Variants in FNDC3A observed in about 807,000 individuals in gnomAD.
The protein encoded by FNDC3A is fibronectin type III domain containing 3A, also known as fibronectin type-III domain-containing protein 3A.
Under a neutral mutation model 148.9 loss-of-function variants are expected in FNDC3A, and 32 were observed. The observed-to-expected ratio is 0.21, with a 90% CI of 0.16 to 0.29. The LOEUF (loss-of-function observed/expected upper bound fraction) is 0.29, where lower values mean the gene tolerates loss of function less well. Ranked by LOEUF, FNDC3A falls within the 10% of genes least tolerant of loss-of-function variation. FNDC3A has a pLI of 1.00. For synonymous variants in FNDC3A, 472 were observed against 473.6 expected, an observed-to-expected ratio of 1.00 and a Z score of 0.04; for missense variants, 1,191 against 1,452.8, an observed-to-expected ratio of 0.82 and a Z score of 2.93.
chr13:49,028,623 A>C (rs566104706), intron 2 of FNDC3A, among the ~76,000 whole-genome samples: 2 of 152,336 alleles, frequency 1.3e-5, no homozygotes, highest in African/African-American at 4.8e-5. Context: ...AAGAGAAATG[A>C]AATGACTATA....
chr13:49,043,264 C>A (rs1875091919), intron 2 of FNDC3A, among the ~76,000 whole-genome samples: 1 of 152,128 alleles, frequency 6.6e-6, no homozygotes, highest in African/African-American at 2.4e-5. Context: ...TGGACCCATC[C>A]TGCAAACATA....
chr13:49,116,754 C>A (rs1015792316), intron 4 of FNDC3A, among the ~76,000 whole-genome samples: 18 of 150,306 alleles, frequency 1.2e-4, no homozygotes, highest in Admixed American at 7.3e-4. Context: ...CCATTGCACT[C>A]CAGCCTGGGA....
intron 19 of FNDC3A, among the ~76,000 whole-genome samples, chr13:49,195,275 G>T (rs980053630): frequency 2.6e-5 from 4 of 152,112 alleles, no homozygotes; most frequent in Non-Finnish European, 5.9e-5. Context: ...GCCATATATA[G>T]TAGCCTTGAT....
At chr13:49,072,303 C>T (rs1877749460) in intron 2 of FNDC3A, among the ~76,000 whole-genome samples, 1 of 151,772 alleles carries the variant, frequency 6.6e-6, no homozygotes, top group Non-Finnish European at 1.5e-5. Context: ...TTCTTGATTC[C>T]TTTGATGAAA....
At chr13:48,990,667 T>A (rs1387726789) in intron 1 of FNDC3A, among the ~76,000 whole-genome samples, 1 of 151,078 alleles carries the variant, frequency 6.6e-6, no homozygotes, top group Non-Finnish European at 1.5e-5. Context: ...AAGGCTAAGT[T>A]GGGAGGATCG....
At chr13:49,086,844 T>C (rs1878847330) in intron 3 of FNDC3A, among the ~76,000 whole-genome samples, 1 of 152,168 alleles carries the variant, frequency 6.6e-6, no homozygotes, top group South Asian at 2.1e-4. Flanking sequence ...TTAGAGTCGC[T>C]CAAAATAGTA....
At chr13:49,149,890 T>C (rs1883191159) in intron 8 of FNDC3A, among the ~76,000 whole-genome samples, 1 of 152,238 alleles carries the variant, frequency 6.6e-6, no homozygotes, top group South Asian at 2.1e-4. Flanking sequence ...TCATATTTTC[T>C]ATTTCTCGCT....
chr13:49,109,280 AATTT>A (rs1470743055), intron 3 of FNDC3A, among the ~76,000 whole-genome samples: 8 of 152,192 alleles, frequency 5.3e-5, no homozygotes, highest in Non-Finnish European at 1.2e-4. Context: ...TGATACTTTA[AATTT>A]ATTTAATTTC....
rs757270122 is a variant in FNDC3A, at chr13:49,136,395, G to A, written c.554G>A (p.Arg185His). 1.9e-5 allele frequency: 30 copies of A among 1,613,874 alleles called. No homozygotes were observed. The highest frequency in any genetic ancestry group is 1.2e-4 in the African/African-American group (9 of 74,892). ...GAACGATCTAGTAAAACATATGAAC[G>A]TTTGCAGAAAAAATTGAAGGATCGC... Reference protein sequence around the residue: ...RDERSSKTYERLQKKLKDRQG... With the variant: ...RDERSSKTYEHLQKKLKDRQG... The change falls in exon 6 of 26, where the codon CGT (arginine) becomes CAT (histidine). Residue 185 changes from arginine (R) to histidine (H), a missense_variant. Transcript: ENST00000492622.
At chr13:49,074,247 C>T (rs1022384356) in intron 2 of FNDC3A, among the ~76,000 whole-genome samples, 1 of 152,110 alleles carries the variant, frequency 6.6e-6, no homozygotes. Flanking sequence ...CTCTCCTCAC[C>T]TCCCCGCATC....
chr13:49,080,747 G>C (rs1878416316), intron 3 of FNDC3A, among the ~76,000 whole-genome samples: 2 of 152,164 alleles, frequency 1.3e-5, no homozygotes, highest in South Asian at 4.1e-4. Context: ...ATTAGGCAAG[G>C]TTTCTAAATT....
chr13:49,117,937 G>A (rs753493563), intron 4 of FNDC3A, among the ~76,000 whole-genome samples: 37 of 152,138 alleles, frequency 2.4e-4, no homozygotes, highest in Non-Finnish European at 3.8e-4. Flanking sequence ...TTGTGTTCTT[G>A]TGGTAACTCA....
At chr13:49,102,147 AT>A (rs910262141) in intron 3 of FNDC3A, among the ~76,000 whole-genome samples, 1 of 150,392 alleles carries the variant, frequency 6.6e-6, no homozygotes, top group African/African-American at 2.4e-5. Flanking sequence ...TTTTTTCTTG[AT>A]TTTTTTAAGC....
chr13:49,170,989 CTT>C (rs1721037059), intron 10 of FNDC3A, among the ~76,000 whole-genome samples: 1 of 152,118 alleles, frequency 6.6e-6, no homozygotes, highest in Admixed American at 6.6e-5. Flanking sequence ...TGATCTCTCT[CTT>C]TGGATTCTCT....
chr13:49,161,626 G>A (rs1446790068), intron 8 of FNDC3A, among the ~76,000 whole-genome samples: 2 of 152,100 alleles, frequency 1.3e-5, no homozygotes, highest in African/African-American at 2.4e-5. Flanking sequence ...ATATTGTTAT[G>A]CGTGAATTTG....
chr13:49,086,998 C>T (rs552243329), intron 3 of FNDC3A, among the ~76,000 whole-genome samples: 1 of 152,024 alleles, frequency 6.6e-6, no homozygotes, highest in South Asian at 2.1e-4. Flanking sequence ...TCCCAGAGAG[C>T]TATTAAATGT....
chr13:49,115,193 G>GAA (rs1880862458), intron 4 of FNDC3A, among the ~76,000 whole-genome samples: 1 of 107,140 alleles, frequency 9.3e-6, no homozygotes, highest in Non-Finnish European at 1.9e-5. Flanking sequence ...AGGGGGGGGG[G>GAA]GAAATAAAAA....
In FNDC3A at chr13:49,078,434, T is replaced by C. The variant is rs139459973; in HGVS notation, c.175+3070T>C. On this transcript the variant is annotated intron_variant, in intron 3 of 25. Coordinates refer to ENST00000492622, the MANE Select transcript of FNDC3A (RefSeq NM_001079673.2). ...TTCTCTGCTTCAGTGGGAAATGGAT[T>C]CCTTTCTCTATATGACAGATTGTAA... Among the ~76,000 whole-genome samples the C allele has an allele frequency of 2.0e-5, 3 of 152,362 alleles. No individual in the cohort carries two copies. In the East Asian group the frequency reaches 5.8e-4, roughly 29 times the overall value.
At chr13:49,203,779 G>GC (rs1392049626) in intron 25 of FNDC3A, among the ~76,000 whole-genome samples, 2 of 152,134 alleles carry the variant, frequency 1.3e-5, no homozygotes, top group Admixed American at 6.5e-5. Flanking sequence ...ATACGCTGAG[G>GC]CAGGAACATG....
Sources: allele counts gnomAD v4.1 joint callset (sites outside exome capture counted in the v4.1 genomes callset), GRCh38; gene constraint gnomAD v4.1.1; transcripts MANE v1.5; gene names NCBI Gene and HGNC (gene_info 2026-07-23, HGNC 2026-07-21).